Variants in CLCN5 observed in about 807,000 individuals in gnomAD.
CLCN5 encodes H(+)/Cl(-) exchange transporter 5.
In CLCN5, 17 loss-of-function variants were observed where a neutral mutation model predicts 54.0. The ratio of observed to expected loss-of-function variants is 0.31; its 90% confidence interval spans 0.22 to 0.47. The LOEUF (loss-of-function observed/expected upper bound fraction) is 0.47, where lower values mean the gene tolerates loss of function less well. CLCN5 is among the 20% of genes least tolerant of loss of function. The pLI is 1.00. For missense variants in CLCN5, 448 were observed against 646.7 expected, an observed-to-expected ratio of 0.69 and a Z score of 3.33; for synonymous variants, 222 against 233.0, an observed-to-expected ratio of 0.95 and a Z score of 0.43.
intron 4 of CLCN5, among the ~76,000 whole-genome samples, chrX:50,051,431 G>C (rs782639448): frequency 4.1e-4 from 46 of 111,976 alleles, no homozygotes; most frequent in African/African-American, 1.5e-3. Flanking sequence ...TGGCTTTATG[G>C]TAAATCTTGA....
At chrX:49,931,783 G>T (rs1167487940) in intron 3 of CLCN5, among the ~76,000 whole-genome samples, 1 of 106,921 alleles carries the variant, frequency 9.4e-6, no homozygotes, top group African/African-American at 3.4e-5. Context: ...AGGCATGGTG[G>T]TGCACACCTG....
intron 3 of CLCN5, among the ~76,000 whole-genome samples, chrX:49,994,961 A>G (rs1557179465): frequency 8.9e-6 from 1 of 112,247 alleles, no homozygotes; most frequent in African/African-American, 3.2e-5. Flanking sequence ...GGTTGGAACT[A>G]TAATCCGGTT....
intron 3 of CLCN5, among the ~76,000 whole-genome samples, chrX:50,017,396 T>G (rs782456486): frequency 1.8e-5 from 2 of 112,373 alleles, no homozygotes; most frequent in Admixed American, 1.9e-4. Flanking sequence ...TTCTAAGATA[T>G]GTCTTTTGCA....
intron 4 of CLCN5, chrX:50,069,501 T>C: frequency 1.3e-6 from 1 of 765,160 alleles, no homozygotes; most frequent in Non-Finnish European, 1.5e-6. Flanking sequence ...AAATGGTTCT[T>C]GATGTGATAT....
chrX:49,934,774 T>G (rs1175168934), intron 3 of CLCN5, among the ~76,000 whole-genome samples: 1 of 111,874 alleles, frequency 8.9e-6, no homozygotes, highest in Non-Finnish European at 1.9e-5. Flanking sequence ...CTCTTTCTTT[T>G]CTTCTGTGTC....
chrX:49,976,519 T>C (rs1602003072), intron 3 of CLCN5, among the ~76,000 whole-genome samples: 2 of 112,299 alleles, frequency 1.8e-5, no homozygotes, highest in South Asian at 7.4e-4. Context: ...GAGGTAAGGA[T>C]GATGTTGTTA....
At chrX:50,067,266 A>C (rs1933057776) in intron 4 of CLCN5, among the ~76,000 whole-genome samples, 1 of 111,498 alleles carries the variant, frequency 9.0e-6, no homozygotes, top group Non-Finnish European at 1.9e-5. Flanking sequence ...CGTTGCTGCT[A>C]TCTAGTGTAT....
chrX:49,980,830 A>G (rs1384774581), intron 3 of CLCN5, among the ~76,000 whole-genome samples: 3 of 111,469 alleles, frequency 2.7e-5, no homozygotes, highest in Non-Finnish European at 5.7e-5. Context: ...TTGTTGGTGT[A>G]ATGTTTTTAT....
intron 3 of CLCN5, among the ~76,000 whole-genome samples, chrX:50,004,686 G>A (rs782164586): frequency 1.8e-5 from 2 of 111,713 alleles, no homozygotes; most frequent in South Asian, 7.6e-4. Context: ...AAGGTAGGCA[G>A]ATCACCTGAG....
At chrX:50,044,039 C>G (rs1416267855) in intron 4 of CLCN5, among the ~76,000 whole-genome samples, 1 of 111,587 alleles carries the variant, frequency 9.0e-6, no homozygotes, top group South Asian at 3.8e-4. Flanking sequence ...TCCCTGCCTT[C>G]ATGAAGTTGA....
chrX:49,966,051 GT>G (rs201478296), intron 3 of CLCN5, among the ~76,000 whole-genome samples: 6 of 107,243 alleles, frequency 5.6e-5, no homozygotes, highest in Admixed American at 2.0e-4. Flanking sequence ...TTGGACTTCA[GT>G]TTTTTTTTCT....
chrX:50,088,965 G>A, intron 12 of CLCN5, 81 bp downstream of exon 12: 1 of 960,246 alleles, frequency 1.0e-6, no homozygotes. Context: ...GTTGACTGTA[G>A]GAGAATTTAA....
chrX:49,933,303 T>A (rs1450947508), intron 3 of CLCN5, among the ~76,000 whole-genome samples: 1 of 112,212 alleles, frequency 8.9e-6, no homozygotes, highest in East Asian at 2.8e-4. Context: ...CTTTTGCCTT[T>A]CCATAACTCT....
At chrX:50,045,590 T>C (rs142147132) in intron 4 of CLCN5, among the ~76,000 whole-genome samples, 8 of 112,702 alleles carry the variant, frequency 7.1e-5, no homozygotes, top group African/African-American at 2.6e-4. Context: ...TCTCATTTCA[T>C]AGACTAGAAA....
intron 3 of CLCN5, among the ~76,000 whole-genome samples, chrX:50,035,847 C>T (rs1208983585): frequency 8.9e-6 from 1 of 112,644 alleles, no homozygotes; most frequent in East Asian, 2.8e-4. Context: ...AAAGGGCATA[C>T]AAGCTTTGTA....
intron 3 of CLCN5, chrX:50,014,708 G>C: frequency 3.0e-6 from 1 of 328,304 alleles, no homozygotes; most frequent in Non-Finnish European, 6.1e-6. Context: ...AGGACAGAGA[G>C]CCTAGACATC....
intron 3 of CLCN5, among the ~76,000 whole-genome samples, chrX:49,934,576 C>T (rs1319813948): frequency 9.0e-6 from 1 of 111,604 alleles, no homozygotes; most frequent in African/African-American, 3.3e-5. Context: ...AACCCAATAC[C>T]ATTCTGGCAT....
rs1934316755 is a variant in CLCN5, at chrX:50,098,081, C to T, written c.*5862C>T. 8.9e-6 allele frequency: 1 copy of T among 112,252 alleles called. No homozygotes were observed. 9.3% of individuals were successfully genotyped at this position (112,252 alleles called of 1,213,427 possible). The stretch of plus-strand genomic sequence containing the variant: ...ACTTTGTCCCCTCTTCTTCCTTTCT[C>T]TCCCATTTTCCTGGCTTTTTAGCAC... On this transcript the variant is annotated 3_prime_UTR_variant, in exon 15 of 15. Coordinates refer to ENST00000376091, the MANE Select transcript of CLCN5 (RefSeq NM_001127898.4).
At chrX:49,939,794 C>T (rs1028856293) in intron 3 of CLCN5, among the ~76,000 whole-genome samples, 5 of 110,686 alleles carry the variant, frequency 4.5e-5, no homozygotes, top group East Asian at 5.7e-4. Flanking sequence ...AAAAGTTGCC[C>T]GGTAGTCTAA....
Sources: gnomAD v4.1 joint callset for allele counts (sites outside exome capture counted in the v4.1 genomes callset) on GRCh38, gnomAD v4.1.1 for gene constraint, MANE v1.5 for transcripts, NCBI Gene and HGNC (gene_info 2026-07-23, HGNC 2026-07-21) for gene names.